SLAIN1: variants seen among roughly 807,000 people sequenced by gnomAD.
The protein encoded by SLAIN1 is SLAIN motif-containing protein 1.
SLAIN1 carries 17 observed loss-of-function variants against 55.4 expected under a neutral mutation model. That is an observed-to-expected ratio of 0.31 (90% CI 0.21 to 0.46). The LOEUF is 0.46. SLAIN1 is among the 20% of genes least tolerant of loss of function. SLAIN1 has a pLI of 1.00. For synonymous variants in SLAIN1, 348 were observed against 337.4 expected (o/e 1.03, Z -0.35); for missense variants, 682 against 785.1 (o/e 0.87, Z 1.57).
Position 77,697,781 on chromosome 13 carries a change from C to A in SLAIN1, c.-133C>A. The stretch of plus-strand genomic sequence containing the variant: ...GCCCGGTGCTGATGCGAACCGCCGG[C>A]TCGGCCTCAGCCCGCGCGTGGTCGG... On this transcript the variant is annotated 5_prime_UTR_variant, in exon 1 of 7. Transcript: ENST00000418532. 1 of 978,890 alleles carries A rather than the reference C, an allele frequency of 1.0e-6. No individual in the cohort carries two copies. The highest frequency in any genetic ancestry group is 1.3e-6 in the Non-Finnish European group (1 of 780,542). The allele number at this position is 978,890 out of a possible 1,614,324, so 60.6% of individuals were successfully genotyped here.
At chr13:77,746,376 A>G (rs1873811244) in intron 3 of SLAIN1, 138 bp from the exon 4 acceptor site, 3 of 691,448 alleles carry the variant, frequency 4.3e-6, no homozygotes, top group African/African-American at 1.8e-5. Flanking sequence ...AAACTTGTCA[A>G]TTTAGTAAAC....
intron 2 of SLAIN1, among the ~76,000 whole-genome samples, chr13:77,728,707 T>C (rs1256031731): frequency 2.6e-5 from 4 of 152,206 alleles, no homozygotes. Flanking sequence ...AATCCACAGT[T>C]CTGCGAGTGA....
chr13:77,763,192 A>G lies in SLAIN1; in HGVS notation c.1745A>G (p.Asp582Gly). 1 of 1,614,022 alleles carries G rather than the reference A, an allele frequency of 6.2e-7. No homozygotes were observed. Among genetic ancestry groups the G allele is most frequent in the Non-Finnish European group, 8.5e-7 (1 of 1,179,926 alleles). The change falls in exon 7 of 7, where the codon GAT (aspartate) becomes GGT (glycine). Residue 582 changes from aspartate to glycine, a missense_variant. Physicochemically the swap from Asp to Gly is moderately conservative, Grantham distance 94. This residue lies in a region of SLAIN1 where 244 missense variants were observed against 295.2 expected (regional missense o/e 0.83). Coordinates refer to ENST00000418532, the MANE Select transcript of SLAIN1 (RefSeq NM_001242868.2). ...CTGTCTTCACTCAGCACTCTGAGGG[A>G]TGGAAATTGGAGAGATGGTTGCTAC... ...KPLSSLSTLR[D>G]GNWRDGCY
intron 5 of SLAIN1, among the ~76,000 whole-genome samples, chr13:77,759,971 C>CAAAA (rs1238262342): frequency 1.3e-5 from 2 of 152,028 alleles, no homozygotes; most frequent in Non-Finnish European, 2.9e-5. Flanking sequence ...GGGTCTTTTT[C>CAAAA]CCCCTTATAT....
Position 77,698,782 on chromosome 13 carries a change from C to T in SLAIN1, c.626+243C>T, listed in dbSNP as rs1409768375. On this transcript the variant is annotated intron_variant, in intron 1 of 6. Transcript: ENST00000418532. The surrounding 1 kb of genome is among the most constrained non-coding windows in gnomAD (Gnocchi z 4.1). ...ACTGCGGATGAACCGGCCCCCCCTT[C>T]CCCCCATCTGCCATGGGTTCTGCTA... 4 of 1,230,412 alleles carry T rather than the reference C, an allele frequency of 3.3e-6. No homozygotes were observed. Among genetic ancestry groups the T allele is most frequent in the Non-Finnish European group, 4.3e-6 (4 of 920,418 alleles). 76.2% of individuals were successfully genotyped at this position (1,230,412 alleles called of 1,614,324 possible).
intron 2 of SLAIN1, among the ~76,000 whole-genome samples, chr13:77,733,465 T>C (rs552500025): frequency 2.5e-4 from 38 of 152,286 alleles, no homozygotes; most frequent in Admixed American, 6.5e-4. Flanking sequence ...CTCATACATA[T>C]ATATGATGGT....
intron 6 of SLAIN1, 106 bp downstream of exon 6, chr13:77,761,216 A>G (rs1217182369): frequency 6.4e-6 from 7 of 1,092,166 alleles, no homozygotes; most frequent in Non-Finnish European, 9.3e-6. Context: ...GTAAGACACT[A>G]CCCTTTATGG....
intron 1 of SLAIN1, among the ~76,000 whole-genome samples, chr13:77,712,407 G>A (rs955847133): frequency 6.6e-6 from 1 of 152,082 alleles, no homozygotes; most frequent in Non-Finnish European, 1.5e-5. Flanking sequence ...AAAATCACAA[G>A]TATTTCTATA....
chr13:77,734,317 A>G (rs1873011308), intron 2 of SLAIN1, among the ~76,000 whole-genome samples: 1 of 152,128 alleles, frequency 6.6e-6, no homozygotes, highest in Non-Finnish European at 1.5e-5. Flanking sequence ...CCATTCGGTA[A>G]CTGGTATTTA....
intron 1 of SLAIN1, among the ~76,000 whole-genome samples, chr13:77,711,171 C>G (rs1315240144): frequency 6.6e-6 from 1 of 151,950 alleles, no homozygotes; most frequent in Non-Finnish European, 1.5e-5. Context: ...ATTAACAGAA[C>G]TAGAGAAGCA....
In SLAIN1 at chr13:77,745,249, C is replaced by T. The variant is rs529957829; in HGVS notation, c.916+817C>T. 1.1e-3 allele frequency among the ~76,000 whole-genome samples: 171 copies of T among 151,850 alleles called. 3 individuals are homozygous for T. The Middle Eastern group carries it at 0.031, about 27-fold the overall frequency. On this transcript the variant is annotated intron_variant, in intron 3 of 6. Coordinates refer to ENST00000418532, the MANE Select transcript of SLAIN1 (RefSeq NM_001242868.2). ...CTTTCTGACACAGACACACACACACCCCCACACACCTGCGATAATCTGAAT... is the reference window on the plus strand; with the variant it reads ...CTTTCTGACACAGACACACACACACTCCCACACACCTGCGATAATCTGAAT...
At chr13:77,706,655 A>G (rs2091092989) in intron 1 of SLAIN1, among the ~76,000 whole-genome samples, 1 of 143,308 alleles carries the variant, frequency 7.0e-6, no homozygotes, top group South Asian at 2.2e-4. Flanking sequence ...CTTCTTCTTA[A>G]ATCCTTTTCG....
chr13:77,753,463 A>G, intron 5 of SLAIN1, 105 bp downstream of exon 5: 1 of 635,090 alleles, frequency 1.6e-6, no homozygotes, highest in Non-Finnish European at 2.2e-6. Context: ...TATTTACTTG[A>G]AAGAACACTA....
chr13:77,760,562 A>G (rs1874937391), intron 5 of SLAIN1, among the ~76,000 whole-genome samples: 1 of 152,182 alleles, frequency 6.6e-6, no homozygotes, highest in Non-Finnish European at 1.5e-5. Context: ...ACATCATCAC[A>G]TTTGTAAAGG....
At chr13:77,713,749 T>G (rs954183947) in intron 1 of SLAIN1, among the ~76,000 whole-genome samples, 3 of 152,232 alleles carry the variant, frequency 2.0e-5, no homozygotes, top group Non-Finnish European at 4.4e-5. Flanking sequence ...CTGTTCACAA[T>G]AGTAAAGACT....
In SLAIN1 at chr13:77,754,836, G is replaced by C. The variant is rs983427653; in HGVS notation, c.1414+1478G>C. Among the ~76,000 whole-genome samples the C allele has an allele frequency of 4.1e-4, 62 of 152,028 alleles. 3 individuals are homozygous for C. Among genetic ancestry groups the C allele is most frequent in the Non-Finnish European group, 1.3e-4 (9 of 67,986 alleles). On this transcript the variant is annotated intron_variant, in intron 5 of 6. Coordinates refer to ENST00000418532, the MANE Select transcript of SLAIN1 (RefSeq NM_001242868.2). The stretch of plus-strand genomic sequence containing the variant: ...TGGGCCATCATTTATTTGATTTTCT[G>C]TTCCCAGTGCCTGACGTATTGCCAG...
intron 2 of SLAIN1, chr13:77,741,449 C>T (rs755614626): frequency 1.9e-5 from 19 of 987,126 alleles, no homozygotes; most frequent in East Asian, 1.1e-4. Context: ...CTGTAAGTTA[C>T]GGGTTGGATA....
intron 1 of SLAIN1, among the ~76,000 whole-genome samples, chr13:77,711,723 T>G (rs960377093): frequency 6.6e-6 from 1 of 152,174 alleles, no homozygotes; most frequent in African/African-American, 2.4e-5. Flanking sequence ...TAACTCATTT[T>G]ATGAGACCAG....
Position 77,721,960 on chromosome 13 carries a change from C to T in SLAIN1, c.766+2289C>T, listed in dbSNP as rs534038057. On this transcript the variant is annotated intron_variant, in intron 2 of 6. Coordinates refer to ENST00000418532, the MANE Select transcript of SLAIN1 (RefSeq NM_001242868.2). ...ATTTACATACATATAAGCATTATGT[C>T]ATTTGCACACTAGATACATTTACAT... Among the ~76,000 whole-genome samples, 4 of 146,530 alleles carry T rather than the reference C, an allele frequency of 2.7e-5. No individual in the cohort carries two copies. The South Asian group carries it at 9.1e-4, about 33-fold the overall frequency.
Sources: allele counts gnomAD v4.1 joint callset (sites outside exome capture counted in the v4.1 genomes callset), GRCh38; gene constraint gnomAD v4.1.1; regional missense constraint gnomAD v4.1.1; non-coding constraint Gnocchi (gnomAD v3.1); transcripts MANE v1.5; gene names NCBI Gene and HGNC (gene_info 2026-07-23, HGNC 2026-07-21).